Variants in RSPH14 observed in about 807,000 individuals in gnomAD.
RSPH14 encodes radial spoke head 14 homolog.
RSPH14 carries 20 observed loss-of-function variants against 26.7 expected under a neutral mutation model. The ratio of observed to expected loss-of-function variants is 0.75; its 90% confidence interval spans 0.53 to 1.09. The LOEUF (loss-of-function observed/expected upper bound fraction) is 1.09, where lower values mean the gene tolerates loss of function less well. Ranked by LOEUF, RSPH14 falls within the 50% of genes least tolerant of loss-of-function variation. RSPH14 has a pLI of 0.00. For missense variants in RSPH14, 449 were observed against 457.2 expected (o/e 0.98, Z 0.16); for synonymous variants, 177 against 189.3 (o/e 0.93, Z 0.53).
At chr22:23,106,274 G>A (rs543167003) in intron 4 of RSPH14, among the ~76,000 whole-genome samples, 1 of 152,370 alleles carries the variant, frequency 6.6e-6, no homozygotes, top group African/African-American at 2.4e-5. Flanking sequence ...AGGGTAAGGG[G>A]GGTGGCGCCT....
At chr22:23,162,871 A>C in the RSPH14 span, 1 of 387,184 alleles carries the variant, frequency 2.6e-6, no homozygotes, top group Non-Finnish European at 5.3e-6. Flanking sequence ...TTTTCTATTC[A>C]TTCCCCCTTC....
upstream of RSPH14, among the ~76,000 whole-genome samples, chr22:23,148,086 T>C (rs1260678642): frequency 2.0e-5 from 3 of 152,140 alleles, no homozygotes; most frequent in Non-Finnish European, 4.4e-5. Flanking sequence ...TTGGATTCTG[T>C]GGCCAGGCTG....
upstream of RSPH14, chr22:23,145,968 AGGAGACCC>A (rs1365298683): frequency 1.0e-6 from 1 of 985,138 alleles, no homozygotes; most frequent in African/African-American, 1.7e-5. Context: ...GACTGGGAGC[AGGAGACCC>A]CTCCCCACTC....
At chr22:23,074,586 G>T (rs904910149) in intron 4 of RSPH14, among the ~76,000 whole-genome samples, 6 of 152,172 alleles carry the variant, frequency 3.9e-5, no homozygotes, top group Admixed American at 6.5e-5. Flanking sequence ...TGTGTGGCAG[G>T]CCGGGGACCA....
chr22:23,156,007 A>G, the RSPH14 span: 1 of 1,613,138 alleles, frequency 6.2e-7, no homozygotes, highest in Non-Finnish European at 8.5e-7. Flanking sequence ...AGTGCATCGC[A>G]TCTGCCTACT....
chr22:23,114,224 C>G (rs1363894675), intron 4 of RSPH14, among the ~76,000 whole-genome samples: 2 of 152,186 alleles, frequency 1.3e-5, no homozygotes, highest in East Asian at 1.9e-4. Context: ...GTCTACAACC[C>G]CGCCCCACAG....
At chr22:23,145,090 T>G, upstream of RSPH14, 1 of 523,214 alleles carries the variant, frequency 1.9e-6, no homozygotes, top group Non-Finnish European at 3.4e-6. Context: ...AGCTGCAGGG[T>G]GCTTGACTCC....
chr22:23,092,465 T>G (rs2069008570), intron 4 of RSPH14, among the ~76,000 whole-genome samples: 1 of 152,028 alleles, frequency 6.6e-6, no homozygotes, highest in South Asian at 2.1e-4. Context: ...TTGGTTCAGG[T>G]GATCTGAAAG....
At position 23,123,629 on chromosome 22, in the gene RSPH14, A is replaced by G. The variant is rs1034192314; in HGVS notation, c.421+10397T>C. The G allele has an allele frequency of 5.1e-6, 3 of 590,234 alleles. No individual in the cohort carries two copies. The African/African-American group carries it at 5.6e-5, about 11-fold the overall frequency. 36.6% of individuals were successfully genotyped at this position (590,234 alleles called of 1,614,324 possible). A position where few individuals can be genotyped will look rare whatever the true frequency, so the allele number is the denominator to read the frequency against. On this transcript the variant is annotated intron_variant, in intron 4 of 6. Transcript: ENST00000216036. Reference sequence around the variant, plus strand: ...GATAGATTGCTAGGTAGATAGACACACACACATGCACACACACACATCTGG... The same window carrying G: ...GATAGATTGCTAGGTAGATAGACACGCACACATGCACACACACACATCTGG...
chr22:23,155,625 T>G, the RSPH14 span, among the ~76,000 whole-genome samples: 4 of 152,346 alleles, frequency 2.6e-5, no homozygotes, highest in South Asian at 2.1e-4. Context: ...ACAAGTGGAC[T>G]GCTACATCTT....
intron 4 of RSPH14, among the ~76,000 whole-genome samples, chr22:23,107,457 C>T (rs917874354): frequency 6.6e-6 from 1 of 152,164 alleles, no homozygotes; most frequent in East Asian, 1.9e-4. Flanking sequence ...TCATGAAAAC[C>T]CAGGGCCTGA....
rs142728532 is a variant in RSPH14 at position 23,097,851 on chromosome 22, C to T, written c.422-33718G>A. On this transcript the variant is annotated intron_variant, in intron 4 of 6. Transcript: ENST00000216036. ...TGCCATGGTGGGTCTGCCAGTCACACGGGCTTGCGCCACTGGCCTCACCCA... is the reference window on the plus strand; with the variant it reads ...TGCCATGGTGGGTCTGCCAGTCACATGGGCTTGCGCCACTGGCCTCACCCA... Among the ~76,000 whole-genome samples the T allele has an allele frequency of 8.7e-3, 1,326 of 152,348 alleles. 20 individuals are homozygous for T. The highest frequency in any genetic ancestry group is 0.03 in the African/African-American group (1,263 of 41,582).
intron 4 of RSPH14, among the ~76,000 whole-genome samples, chr22:23,111,408 T>C (rs1412597192): frequency 6.6e-6 from 1 of 152,100 alleles, no homozygotes; most frequent in Non-Finnish European, 1.5e-5. Context: ...CCCAGAAAAG[T>C]CTCAAGTGCT....
chr22:23,113,686 A>G (rs1292411958), intron 4 of RSPH14, among the ~76,000 whole-genome samples: 1 of 152,230 alleles, frequency 6.6e-6, no homozygotes, highest in African/African-American at 2.4e-5. Context: ...TACACCTGCC[A>G]GGACCTCGGC....
At chr22:23,160,349 T>C in the RSPH14 span, among the ~76,000 whole-genome samples, 4 of 152,232 alleles carry the variant, frequency 2.6e-5, no homozygotes, top group Admixed American at 1.3e-4. Context: ...TGCAGGTTGC[T>C]GGCTGCACAA....
At chr22:23,145,948 G>C (rs999003865), upstream of RSPH14, 8 of 984,366 alleles carry the variant, frequency 8.1e-6, no homozygotes, top group East Asian at 1.1e-4. Flanking sequence ...TAGAGCCTTC[G>C]TCCTTTGCAG....
chr22:23,064,072 C>T lies in RSPH14; in HGVS notation c.483G>A (p.Glu161=), dbSNP rs945774919. Residue 161 remains glutamate, a synonymous_variant, in exon 5 of 7, where the codon GAG becomes GAA. Coordinates refer to ENST00000216036, the MANE Select transcript of RSPH14 (RefSeq NM_014433.3). The stretch of plus-strand genomic sequence containing the variant: ...ACTCCTGGAACTCCTCCTCCTCCAC[C>T]TCCACCTGCAGCTTCCATACCAGTG... The part of the protein sequence containing the change: ...ISSLVWKLQV[E]VEEEEFQEFI... 11 of 1,614,088 alleles carry T rather than the reference C, an allele frequency of 6.8e-6. No homozygotes were observed. The highest frequency in any genetic ancestry group is 9.3e-6 in the Non-Finnish European group (11 of 1,180,034).
chr22:23,155,323 C>T, the RSPH14 span, among the ~76,000 whole-genome samples: 1 of 152,212 alleles, frequency 6.6e-6, no homozygotes, highest in East Asian at 1.9e-4. Context: ...GGTGCTCTTT[C>T]CCCTCTTCTA....
At chr22:23,102,828 T>C (rs572250875) in intron 4 of RSPH14, among the ~76,000 whole-genome samples, 113 of 152,320 alleles carry the variant, frequency 7.4e-4, no homozygotes, top group African/African-American at 2.4e-3. Flanking sequence ...CATGATGACG[T>C]TGTCAGGTGC....
Sources: gnomAD v4.1 joint callset for allele counts (sites outside exome capture counted in the v4.1 genomes callset) on GRCh38, gnomAD v4.1.1 for gene constraint, MANE v1.5 for transcripts, NCBI Gene and HGNC (gene_info 2026-07-23, HGNC 2026-07-21) for gene names.